Variants in OSBPL8 observed in about 807,000 individuals in gnomAD.
OSBPL8 encodes oxysterol binding protein like 8.
A neutral mutation model predicts 125.5 loss-of-function variants in OSBPL8; 59 were observed. The observed-to-expected ratio is 0.47, with a 90% CI of 0.38 to 0.58. OSBPL8 has a LOEUF of 0.58. OSBPL8 is among the 20% of genes least tolerant of loss of function. The pLI, the probability that OSBPL8 is intolerant of heterozygous loss-of-function variation, is 0.00. For synonymous variants in OSBPL8, 330 were observed against 338.9 expected (o/e 0.97, Z 0.29); for missense variants, 758 against 1,047.8 (o/e 0.72, Z 3.82).
intron 2 of OSBPL8, among the ~76,000 whole-genome samples, chr12:76,485,466 AG>A (rs1420920083): frequency 6.6e-6 from 1 of 151,988 alleles, no homozygotes; most frequent in African/African-American, 2.4e-5. Context: ...CCAGCTACTC[AG>A]GAGGCTGAGG....
At chr12:76,438,346 A>T (rs1157817332) in intron 4 of OSBPL8, among the ~76,000 whole-genome samples, 1 of 148,750 alleles carries the variant, frequency 6.7e-6, no homozygotes, top group Non-Finnish European at 1.5e-5. Context: ...TCTGTCGCTC[A>T]CGCTGGAGAG....
chr12:76,428,443 A>G (rs1344585720), intron 4 of OSBPL8, among the ~76,000 whole-genome samples: 2 of 152,100 alleles, frequency 1.3e-5, no homozygotes, highest in Non-Finnish European at 2.9e-5. Flanking sequence ...GAAATAACCT[A>G]ATTAGTATTT....
At chr12:76,505,310 G>A (rs146329728) in intron 1 of OSBPL8, among the ~76,000 whole-genome samples, 4 of 152,168 alleles carry the variant, frequency 2.6e-5, no homozygotes, top group Non-Finnish European at 5.9e-5. Context: ...CAACAGGCAG[G>A]TACAATGATC....
At chr12:76,535,754 A>T (rs1483601304) in intron 1 of OSBPL8, among the ~76,000 whole-genome samples, 1 of 152,224 alleles carries the variant, frequency 6.6e-6, no homozygotes, top group Non-Finnish European at 1.5e-5. Context: ...AAAAATATGC[A>T]GGGCAAAATA....
At chr12:76,400,132 A>ATTAG (rs1953987705) in intron 6 of OSBPL8, among the ~76,000 whole-genome samples, 158 bp from the exon 7 acceptor site, 1 of 152,156 alleles carries the variant, frequency 6.6e-6, no homozygotes, top group South Asian at 2.1e-4. Context: ...CCTAGTACCC[A>ATTAG]TTAGTTACTT....
At chr12:76,415,030 T>C (rs1418757815) in intron 4 of OSBPL8, among the ~76,000 whole-genome samples, 1 of 152,192 alleles carries the variant, frequency 6.6e-6, no homozygotes, top group African/African-American at 2.4e-5. Flanking sequence ...GTAATCCATA[T>C]TCATTACTGA....
In OSBPL8 at chr12:76,355,837, T is replaced by C; in HGVS notation, c.*52A>G. 1 of 1,578,972 alleles carries C rather than the reference T, an allele frequency of 6.3e-7. No individual in the cohort carries two copies. Among genetic ancestry groups the C allele is most frequent in the East Asian group, 2.3e-5 (1 of 44,264 alleles). ...AAGACCAAACCAACTTGAACACTGG[T>C]CCCAGGCCAAATCAGATCTTTCTAG... On this transcript the variant is annotated 3_prime_UTR_variant, in exon 24 of 24. Transcript: ENST00000261183.
intron 4 of OSBPL8, among the ~76,000 whole-genome samples, chr12:76,413,863 G>A (rs948693791): frequency 6.6e-6 from 1 of 151,754 alleles, no homozygotes; most frequent in Non-Finnish European, 1.5e-5. Flanking sequence ...TGTATTTGTT[G>A]TCAACATCTC....
chr12:76,367,574 A>G (rs143286181), intron 21 of OSBPL8, among the ~76,000 whole-genome samples: 7 of 152,302 alleles, frequency 4.6e-5, no homozygotes, highest in African/African-American at 1.4e-4. Flanking sequence ...ATAACTACTG[A>G]TAAGAACTTA....
chr12:76,410,531 G>T lies in OSBPL8; in HGVS notation c.288+33C>A, dbSNP rs377759754. On this transcript the variant is annotated intron_variant, in intron 5 of 23. Transcript: ENST00000261183. ...CCCTCATCTCAAATATTAAGAATATGTCATAATCATGTATTTGCTTATATA... is the reference window on the plus strand; with the variant it reads ...CCCTCATCTCAAATATTAAGAATATTTCATAATCATGTATTTGCTTATATA... 31 of 1,459,704 alleles carry T rather than the reference G, an allele frequency of 2.1e-5. No individual in the cohort carries two copies. The East Asian group carries it at 5.2e-4, about 25-fold the overall frequency. The allele number at this position is 1,459,704 out of a possible 1,614,324, so 90.4% of individuals were successfully genotyped here.
chr12:76,483,751 T>G (rs1877821502), intron 2 of OSBPL8, among the ~76,000 whole-genome samples: 1 of 129,902 alleles, frequency 7.7e-6, no homozygotes. Context: ...CTCAGCTCAC[T>G]GCAACTTCAG....
chr12:76,496,370 AT>A (rs34882613), intron 1 of OSBPL8, among the ~76,000 whole-genome samples: 23,853 of 141,820 alleles, frequency 0.17, 2,296 homozygotes, highest in African/African-American at 0.3. Context: ...ATGCTGTGTA[AT>A]TTTTTTTTTT....
At chr12:76,508,492 G>C (rs928469475) in intron 1 of OSBPL8, among the ~76,000 whole-genome samples, 11 of 152,120 alleles carry the variant, frequency 7.2e-5, no homozygotes, top group African/African-American at 1.7e-4. Context: ...ATCTTGAATA[G>C]GGACTGGGTA....
chr12:76,484,638 C>T (rs1367775832), intron 2 of OSBPL8, among the ~76,000 whole-genome samples: 4 of 152,224 alleles, frequency 2.6e-5, no homozygotes, highest in African/African-American at 9.6e-5. Flanking sequence ...AGTCATACAA[C>T]TAAGTGACAG....
chr12:76,489,297 AG>A (rs1255691743), intron 1 of OSBPL8, among the ~76,000 whole-genome samples: 4 of 152,252 alleles, frequency 2.6e-5, no homozygotes, highest in Non-Finnish European at 5.9e-5. Flanking sequence ...ACTAAACAAC[AG>A]GTTTTCAATA....
intron 4 of OSBPL8, among the ~76,000 whole-genome samples, chr12:76,413,482 T>A (rs1484189211): frequency 2.0e-5 from 3 of 152,234 alleles, no homozygotes; most frequent in African/African-American, 7.2e-5. Flanking sequence ...AAATGTATCG[T>A]GGTAGACACC....
chr12:76,482,341 C>A (rs1311082508), intron 2 of OSBPL8, among the ~76,000 whole-genome samples: 1 of 152,198 alleles, frequency 6.6e-6, no homozygotes, highest in African/African-American at 2.4e-5. Context: ...AGGCCAGGTG[C>A]AGTGGCTCAC....
At chr12:76,457,188 T>C (rs554337153) in intron 3 of OSBPL8, among the ~76,000 whole-genome samples, 1 of 152,322 alleles carries the variant, frequency 6.6e-6, no homozygotes, top group South Asian at 2.1e-4. Flanking sequence ...ACACCTGAGC[T>C]CATAGTAATA....
intron 1 of OSBPL8, among the ~76,000 whole-genome samples, chr12:76,552,706 GC>G (rs750669660): frequency 1.9e-4 from 29 of 152,176 alleles, no homozygotes; most frequent in South Asian, 4.1e-4. Flanking sequence ...GCTTAAATAT[GC>G]CATTTTCTTC....
Sources: allele counts gnomAD v4.1 joint callset (sites outside exome capture counted in the v4.1 genomes callset), GRCh38; gene constraint gnomAD v4.1.1; transcripts MANE v1.5; gene names NCBI Gene and HGNC (gene_info 2026-07-23, HGNC 2026-07-21).